RORA: variants seen among roughly 807,000 people sequenced by gnomAD.
RORA encodes the protein RAR related orphan receptor A.
A neutral mutation model predicts 69.5 loss-of-function variants in RORA; 7 were observed. That is an observed-to-expected ratio of 0.10 (90% CI 0.06 to 0.19). RORA has a LOEUF of 0.19. RORA is among the 10% of genes least tolerant of loss of function. The probability of loss-of-function intolerance (pLI) is 1.00; values close to 1 mark genes in which losing one functional copy is unlikely to be tolerated. For synonymous variants in RORA, 261 were observed against 240.8 expected (o/e 1.08, Z -0.78); for missense variants, 457 against 663.0 (o/e 0.69, Z 3.41).
chr15:61,066,587 T>C (rs566082260), intron 1 of RORA, among the ~76,000 whole-genome samples: 94 of 151,912 alleles, frequency 6.2e-4, no homozygotes, highest in African/African-American at 2.0e-3. Context: ...CCACCACGCC[T>C]GGCTAATTTT....
intron 1 of RORA, among the ~76,000 whole-genome samples, chr15:60,801,093 C>T (rs79671855): frequency 4.1e-4 from 62 of 152,326 alleles, no homozygotes; most frequent in African/African-American, 1.5e-3. Context: ...AGGCAGACCA[C>T]AAAATAGAGT....
rs542317707 is a variant in RORA at position 61,175,435 on chromosome 15, G to A, written c.166+53618C>T. On this transcript the variant is annotated intron_variant, in intron 1 of 10. Transcript: ENST00000335670. ...CATTTTAAAGATAGGGGCCAGGCAC[G>A]GTGACTCATACCTATAACCCCAGCA... 1.1e-3 allele frequency among the ~76,000 whole-genome samples: 168 copies of A among 150,924 alleles called. 2 individuals are homozygous for A. The highest frequency in any genetic ancestry group is 5.9e-4 in the Non-Finnish European group (40 of 67,814).
intron 1 of RORA, among the ~76,000 whole-genome samples, chr15:60,703,481 G>A (rs377599677): frequency 2.6e-5 from 4 of 152,208 alleles, no homozygotes; most frequent in African/African-American, 4.8e-5. Flanking sequence ...AGGGGCACAC[G>A]TGTTCATCCC....
intron 4 of RORA, among the ~76,000 whole-genome samples, chr15:60,513,074 A>G (rs562176973): frequency 5.9e-5 from 9 of 152,352 alleles, no homozygotes; most frequent in African/African-American, 2.2e-4. Context: ...GTTGGGAACC[A>G]AGGCCCTCAC....
intron 1 of RORA, among the ~76,000 whole-genome samples, chr15:60,975,064 A>C (rs1219542660): frequency 6.6e-6 from 1 of 152,170 alleles, no homozygotes; most frequent in Non-Finnish European, 1.5e-5. Context: ...AGGGGAGCTG[A>C]GAGGCTACTG....
intron 1 of RORA, among the ~76,000 whole-genome samples, chr15:61,024,378 C>T (rs1404760083): frequency 1.4e-5 from 2 of 143,054 alleles, no homozygotes; most frequent in African/African-American, 2.6e-5. Context: ...TCACCTCCTA[C>T]ACTCAGGTGA....
intron 2 of RORA, among the ~76,000 whole-genome samples, chr15:60,635,167 A>G (rs188413960): frequency 8.5e-5 from 13 of 152,342 alleles, no homozygotes; most frequent in Admixed American, 4.6e-4. Context: ...AATGCAAATG[A>G]CGGTGGCCCT....
chr15:60,514,595 A>G (rs1438786915), intron 4 of RORA, 21 bp downstream of exon 4: 1 of 1,613,178 alleles, frequency 6.2e-7, no homozygotes, highest in Non-Finnish European at 8.5e-7. Flanking sequence ...CAACTGTACA[A>G]CTCAAGCTGT....
intron 1 of RORA, among the ~76,000 whole-genome samples, chr15:61,067,397 C>T (rs976644317): frequency 6.6e-6 from 1 of 152,134 alleles, no homozygotes; most frequent in Non-Finnish European, 1.5e-5. Flanking sequence ...AACTACTGTA[C>T]CTGGCCTAAA....
At chr15:60,693,251 C>T (rs924062705) in intron 1 of RORA, among the ~76,000 whole-genome samples, 4 of 152,164 alleles carry the variant, frequency 2.6e-5, no homozygotes, top group South Asian at 2.1e-4. Flanking sequence ...AGTCAACATC[C>T]CTTCAGGTTA....
chr15:60,554,404 TA>T (rs916683095), intron 2 of RORA, among the ~76,000 whole-genome samples: 5 of 151,136 alleles, frequency 3.3e-5, no homozygotes, highest in African/African-American at 9.7e-5. Context: ...TTTTTGGCAC[TA>T]AAAAAAAATC....
intron 1 of RORA, among the ~76,000 whole-genome samples, chr15:60,987,779 G>A (rs1157166261): frequency 1.3e-5 from 2 of 152,296 alleles, no homozygotes; most frequent in South Asian, 2.1e-4. Context: ...TCTCCAAAGA[G>A]TCCTGAGGAA....
chr15:60,964,038 C>T (rs72752788), intron 1 of RORA, among the ~76,000 whole-genome samples: 5,131 of 152,260 alleles, frequency 0.034, 130 homozygotes, highest in Non-Finnish European at 0.053. Context: ...CACATAAAAC[C>T]CCTGTTGTCC....
intron 1 of RORA, among the ~76,000 whole-genome samples, chr15:60,777,896 G>C (rs745970168): frequency 1.3e-5 from 2 of 152,162 alleles, no homozygotes; most frequent in Non-Finnish European, 2.9e-5. Flanking sequence ...CAATGTAAGT[G>C]GGTTACGGTT....
intron 1 of RORA, chr15:61,176,491 T>C (rs1269054227): frequency 1.3e-5 from 1 of 76,470 alleles, no homozygotes; most frequent in Non-Finnish European, 2.6e-5. Flanking sequence ...TACTTTCATG[T>C]TTCAGAGATG....
intron 1 of RORA, among the ~76,000 whole-genome samples, chr15:61,013,893 C>T (rs1234937698): frequency 1.3e-5 from 2 of 149,756 alleles, no homozygotes; most frequent in Admixed American, 1.3e-4. Context: ...ACGCCATTAT[C>T]CTGCCTCAGC....
In RORA at chr15:60,516,184, TTTATATATATATTTATATATATATTTA is replaced by T. The variant is rs1567052297; in HGVS notation, c.283-1454_283-1428del. On this transcript the variant is annotated intron_variant, in intron 3 of 10. Transcript: ENST00000335670. ...ATTTATATATATATTTATATATATA[TTTATATATATATTTATATATATATTTA>T]TATATATATATTTATATATATATTT... Among the ~76,000 whole-genome samples the T allele has an allele frequency of 2.2e-3, 62 of 28,032 alleles. 2 individuals are homozygous for T. Among genetic ancestry groups the T allele is most frequent in the African/African-American group, 0.013 (61 of 4,600 alleles). 18.4% of individuals were successfully genotyped at this position (28,032 alleles called of 152,430 possible).
chr15:60,716,353 T>C (rs1047217089), intron 1 of RORA, among the ~76,000 whole-genome samples: 1 of 152,176 alleles, frequency 6.6e-6, no homozygotes, highest in African/African-American at 2.4e-5. Context: ...CTTTCTTCCT[T>C]CTCTTCTGAA....
chr15:60,542,032 C>A (rs963944761), intron 2 of RORA, among the ~76,000 whole-genome samples: 1 of 152,196 alleles, frequency 6.6e-6, no homozygotes, highest in Non-Finnish European at 1.5e-5. Flanking sequence ...CAATGTGTGT[C>A]TCTGTCACTT....
Sources: gnomAD v4.1 joint callset for allele counts (sites outside exome capture counted in the v4.1 genomes callset) on GRCh38, gnomAD v4.1.1 for gene constraint, MANE v1.5 for transcripts, NCBI Gene and HGNC (gene_info 2026-07-23, HGNC 2026-07-21) for gene names.